The following ZBTB25 variants were observed in gnomAD, a reference collection of about 807,000 sequenced individuals.
ZBTB25 encodes zinc finger and BTB domain-containing protein 25.
A neutral mutation model predicts 34.2 loss-of-function variants in ZBTB25; 20 were observed. The ratio of observed to expected loss-of-function variants is 0.58; its 90% CI spans 0.41 to 0.85. The LOEUF (loss-of-function observed/expected upper bound fraction) is 0.85. Among genes scored for constraint, ZBTB25 ranks in the 40% least tolerant of loss-of-function variants. ZBTB25 has a pLI of 0.00. For synonymous variants in ZBTB25, 175 were observed against 186.4 expected, an observed-to-expected ratio of 0.94 and a Z score of 0.50; for missense variants, 437 against 521.8, an observed-to-expected ratio of 0.84 and a Z score of 1.58.
chr14:64,488,699 A>G (rs2078966361), intron 2 of ZBTB25, among the ~76,000 whole-genome samples: 1 of 152,146 alleles, frequency 6.6e-6, no homozygotes, highest in Non-Finnish European at 1.5e-5. Context: ...TATCTAGAAT[A>G]GGCAAATTCA....
intron 2 of ZBTB25, chr14:64,459,678 G>A: frequency 8.3e-7 from 1 of 1,210,550 alleles, no homozygotes; most frequent in Non-Finnish European, 1.1e-6. Flanking sequence ...ATGTGAGTGG[G>A]TAATGGTGCA....
intron 2 of ZBTB25, chr14:64,467,386 A>G (rs2078623057): frequency 6.6e-6 from 1 of 152,172 alleles, no homozygotes; most frequent in Admixed American, 6.5e-5. Context: ...AGCTATTACT[A>G]CTCTTACTGA....
At chr14:64,504,723 C>T (rs1361217604), upstream of ZBTB25, 3 of 372,916 alleles carry the variant, frequency 8.0e-6, no homozygotes, top group Non-Finnish European at 1.4e-5. Context: ...GCGGGGCCGG[C>T]TCAGTGCGGT....
Position 64,480,636 on chromosome 14 carries a change from AT to A in ZBTB25, c.*6286del, listed in dbSNP as rs2078776148. 1 of 157,848 alleles carries A rather than the reference AT, an allele frequency of 6.3e-6. No individual in the cohort carries two copies. Among genetic ancestry groups the A allele is most frequent in the Non-Finnish European group, 1.4e-5 (1 of 71,398 alleles). 9.8% of individuals were successfully genotyped at this position (157,848 alleles called of 1,614,324 possible). A position where few individuals can be genotyped will look rare whatever the true frequency, so the allele number is the denominator to read the frequency against. On this transcript the variant is annotated 3_prime_UTR_variant, in exon 3 of 3. Transcript: ENST00000608382. ...ACTTGTTTTTGATTAAGTCACATTA[AT>A]TTGTCTTGATAAAATATATGAAATT... is the stretch of plus-strand genomic sequence containing the variant.
chr14:64,476,596 C>T (rs372281659), downstream of ZBTB25, among the ~76,000 whole-genome samples: 7 of 152,368 alleles, frequency 4.6e-5, no homozygotes, highest in East Asian at 3.9e-4. Context: ...GCTGGGATTA[C>T]AGGCGTAAGC....
intron 1 of ZBTB25, among the ~76,000 whole-genome samples, chr14:64,501,999 A>G (rs572071175): frequency 1.3e-5 from 2 of 152,348 alleles, no homozygotes; most frequent in East Asian, 3.9e-4. Context: ...CTTGAGAGAT[A>G]AGCGATCTAG....
At chr14:64,457,923 T>C in intron 2 of ZBTB25, 1 of 503,786 alleles carries the variant, frequency 2.0e-6, no homozygotes, top group Non-Finnish European at 3.6e-6. Flanking sequence ...ATTTTAGACA[T>C]GGCCTTGCTC....
At chr14:64,504,911 C>G, upstream of ZBTB25, 1 of 395,938 alleles carries the variant, frequency 2.5e-6, no homozygotes. Context: ...CTTAAACTCC[C>G]TAAAATCTCC....
chr14:64,456,993 T>C (rs2078485298), intron 2 of ZBTB25, among the ~76,000 whole-genome samples: 1 of 152,234 alleles, frequency 6.6e-6, no homozygotes, highest in Non-Finnish European at 1.5e-5. Context: ...TTGCAAGCCG[T>C]ACATATTTGC....
At chr14:64,452,080 A>G (rs2078382523) in intron 2 of ZBTB25, among the ~76,000 whole-genome samples, 1 of 152,274 alleles carries the variant, frequency 6.6e-6, no homozygotes, top group Non-Finnish European at 1.5e-5. Flanking sequence ...TGGATCACCT[A>G]AGGTCAGGAG....
chr14:64,498,359 C>T (rs2079354803), intron 1 of ZBTB25, among the ~76,000 whole-genome samples: 1 of 150,898 alleles, frequency 6.6e-6, no homozygotes, highest in Non-Finnish European at 1.5e-5. Context: ...AGGCTGCAGG[C>T]TGGAGTGCAA....
intron 1 of ZBTB25, among the ~76,000 whole-genome samples, chr14:64,491,545 A>G (rs2079077881): frequency 2.6e-5 from 4 of 152,206 alleles, no homozygotes; most frequent in Non-Finnish European, 5.9e-5. Flanking sequence ...TCCCAAAGGA[A>G]GTAAAAGGCA....
chr14:64,454,874 C>A, intron 2 of ZBTB25: 2 of 1,614,162 alleles, frequency 1.2e-6, no homozygotes, highest in Non-Finnish European at 1.7e-6. Flanking sequence ...TTAGTAGGAA[C>A]GGTAAGTGCA....
intron 1 of ZBTB25, among the ~76,000 whole-genome samples, chr14:64,494,632 A>G (rs1235155049): frequency 6.6e-6 from 1 of 152,208 alleles, no homozygotes; most frequent in Non-Finnish European, 1.5e-5. Flanking sequence ...CTGTCTCAAA[A>G]AAAAATAAAA....
intron 2 of ZBTB25, chr14:64,468,333 C>G (rs1012427292): frequency 2.9e-5 from 42 of 1,454,324 alleles, no homozygotes; most frequent in Non-Finnish European, 3.3e-5. Flanking sequence ...ATCTTTTTGT[C>G]ACAAAAGGCT....
At position 64,490,438 on chromosome 14, in the gene ZBTB25, A is replaced by T; in HGVS notation, c.96T>A (p.Asp32Glu). 6.2e-7 allele frequency: 1 copy of T among 1,614,034 alleles called. No individual in the cohort carries two copies. Among genetic ancestry groups the T allele is most frequent in the Non-Finnish European group, 8.5e-7 (1 of 1,179,944 alleles). The change falls in exon 2 of 3, where the codon GAT becomes GAA. Residue 32 changes from aspartate (D) to glutamate (E), a missense_variant. Asp to Glu is a conservative substitution (Grantham distance 45). Transcript: ENST00000608382. ...FLCDCTVAIGDVYFKAHRAVL... is the reference protein window; with the variant it reads ...FLCDCTVAIGEVYFKAHRAVL... ...CTGCTCTGTGGGCTTTGAAGTAAAC[A>T]TCTCCAATTGCAACTGTGCAATCAC...
At chr14:64,492,689 T>C (rs1289116366) in intron 1 of ZBTB25, among the ~76,000 whole-genome samples, 1 of 151,778 alleles carries the variant, frequency 6.6e-6, no homozygotes, top group Non-Finnish European at 1.5e-5. Context: ...CATAGGGAAA[T>C]GAGACATAGC....
chr14:64,500,994 T>A (rs1004453663), intron 1 of ZBTB25, among the ~76,000 whole-genome samples: 2 of 152,168 alleles, frequency 1.3e-5, no homozygotes, highest in African/African-American at 4.8e-5. Context: ...GAGGCTGCAG[T>A]GAGCTGAAAT....
At chr14:64,500,503 G>T (rs1273973057) in intron 1 of ZBTB25, among the ~76,000 whole-genome samples, 2 of 138,102 alleles carry the variant, frequency 1.4e-5, no homozygotes, top group African/African-American at 5.3e-5. Context: ...GAAAATTCCT[G>T]CTAGCAAAGG....
Sources: allele counts gnomAD v4.1 joint callset (sites outside exome capture counted in the v4.1 genomes callset), GRCh38; gene constraint gnomAD v4.1.1; transcripts MANE v1.5; gene names NCBI Gene and HGNC (gene_info 2026-07-23, HGNC 2026-07-21).